The following ATXN2L variants were observed in gnomAD, a reference collection of about 807,000 sequenced individuals.
ATXN2L encodes ataxin-2-like protein.
A neutral mutation model predicts 120.7 loss-of-function variants in ATXN2L; 24 were observed. The observed-to-expected ratio is 0.20, with a 90% CI of 0.14 to 0.28. The LOEUF (loss-of-function observed/expected upper bound fraction) is 0.28. Among genes scored for constraint, ATXN2L ranks in the 10% least tolerant of loss-of-function variants. The pLI is 1.00. For missense variants in ATXN2L, 1,312 were observed against 1,432.3 expected, an observed-to-expected ratio of 0.92 and a Z score of 1.36; for synonymous variants, 653 against 568.1, an observed-to-expected ratio of 1.15 and a Z score of -2.13.
intron 1 of ATXN2L, 41 bp downstream of exon 1, chr16:28,823,599 C>T: frequency 7.7e-7 from 1 of 1,293,230 alleles, no homozygotes; most frequent in South Asian, 2.3e-5. Flanking sequence ...CGCGGCCACC[C>T]AGAGGCTGTG....
At chr16:28,827,077 A>C in intron 6 of ATXN2L, 91 bp downstream of exon 6, 1 of 1,253,290 alleles carries the variant, frequency 8.0e-7, no homozygotes, top group East Asian at 2.7e-5. Flanking sequence ...GGAAATATTT[A>C]CTGTTGCCCA....
At chr16:28,830,411 C>T (rs1396085874) in intron 8 of ATXN2L, among the ~76,000 whole-genome samples, 2 of 152,122 alleles carry the variant, frequency 1.3e-5, no homozygotes, top group African/African-American at 4.8e-5. Context: ...GGTTGGTTGG[C>T]TCAGAGTTGA....
At chr16:28,827,611 C>T (rs1596884093) in intron 6 of ATXN2L, among the ~76,000 whole-genome samples, 1 of 152,020 alleles carries the variant, frequency 6.6e-6, no homozygotes, top group African/African-American at 2.4e-5. Context: ...GTGGCTCATG[C>T]CTGTAGTCCC....
At chr16:28,827,870 G>A (rs1411798594) in intron 6 of ATXN2L, among the ~76,000 whole-genome samples, 3 of 152,172 alleles carry the variant, frequency 2.0e-5, no homozygotes, top group Non-Finnish European at 4.4e-5. Context: ...CTTGTGAATG[G>A]CCACTGTGCT....
chr16:28,824,378 G>C, intron 1 of ATXN2L: 1 of 1,247,916 alleles, frequency 8.0e-7, no homozygotes, highest in Non-Finnish European at 1.0e-6. Flanking sequence ...GGAAAGTCCC[G>C]TGGGTTTTAG....
chr16:28,825,636 G>A lies in ATXN2L; in HGVS notation c.349G>A (p.Val117Ile), dbSNP rs148169914. The A allele has an allele frequency of 2.0e-5, 32 of 1,614,094 alleles. No individual in the cohort carries two copies. Among genetic ancestry groups the A allele is most frequent in the East Asian group, 6.7e-5 (3 of 44,892 alleles). The change falls in exon 3 of 22, where the codon GTC becomes ATC. Residue 117 changes from valine (V) to isoleucine (I), a missense_variant. Physicochemically the swap from Val to Ile is conservative, Grantham distance 29 (BLOSUM62 3). Transcript: ENST00000336783. ...GPPQSPVFEG[V>I]YNNSRMLHFL... is the part of the protein sequence containing the mutation. ...TGTTAACTGACAGGTGTTTGAAGGC[G>A]TCTACAACAATTCCAGAATGCTGCA...
At position 28,830,749 on chromosome 16, in the gene ATXN2L, G is replaced by A. The variant is rs1596921720; in HGVS notation, c.1169G>A (p.Ser390Asn). The change falls in exon 9 of 22, where the codon AGC (serine) becomes AAC (asparagine). Residue 390 changes from serine to asparagine, a missense_variant. Transcript: ENST00000336783. ...CGTGGCCCTCACCATCTGGACAACA[G>A]CAGCCCTGGCCCAGGTTCTGAGGCC... ...PPRGPHHLDN[S>N]SPGPGSEARG... 2 of 1,612,130 alleles carry A rather than the reference G, an allele frequency of 1.2e-6. No individual in the cohort carries two copies. The highest frequency in any genetic ancestry group is 1.7e-6 in the Non-Finnish European group (2 of 1,179,368).
chr16:28,824,143 C>G lies in ATXN2L; in HGVS notation c.299+585C>G, dbSNP rs895874803. 5.9e-6 allele frequency: 6 copies of G among 1,024,900 alleles called. No individual in the cohort carries two copies. The African/African-American group carries it at 6.9e-5, about 12-fold the overall frequency. 63.5% of individuals were successfully genotyped at this position (1,024,900 alleles called of 1,614,324 possible). Reference sequence around the variant, plus strand: ...CGGGAGCCTCTGGCGCGCGCGCCCCCTTCCCGTACGTGCGCGTGGATGCTC... The same window carrying G: ...CGGGAGCCTCTGGCGCGCGCGCCCCGTTCCCGTACGTGCGCGTGGATGCTC... On this transcript the variant is annotated intron_variant, in intron 1 of 21. Transcript: ENST00000336783.
chr16:28,825,314 T>C (rs568443771), intron 1 of ATXN2L, 52 bp from the exon 2 acceptor site: 15 of 1,530,816 alleles, frequency 9.8e-6, no homozygotes, highest in Non-Finnish European at 1.4e-5. Context: ...AATTTCATAG[T>C]GGTCTAAGAG....
chr16:28,834,445 A>G (rs571126478), intron 17 of ATXN2L, 30 bp downstream of exon 17: 1 of 1,613,452 alleles, frequency 6.2e-7, no homozygotes, highest in East Asian at 2.2e-5. Flanking sequence ...GCAGGCGGCG[A>G]GGCTGCCAAG....
Position 28,836,835 on chromosome 16 carries a change from C to T in ATXN2L, c.*570C>T, listed in dbSNP as rs1360387801. ...GAGTGGAGGGAAGAGTGATCTATGT[C>T]TCTTCCCCCAGCAGCTCGGACCACT... On this transcript the variant is annotated 3_prime_UTR_variant, in exon 22 of 22. Coordinates refer to ENST00000336783, the MANE Select transcript of ATXN2L (RefSeq NM_007245.4). The T allele has an allele frequency of 4.4e-6, 7 of 1,607,454 alleles. No homozygotes were observed. Among genetic ancestry groups the T allele is most frequent in the Admixed American group, 1.7e-5 (1 of 59,882 alleles).
intron 18 of ATXN2L, 26 bp downstream of exon 18, chr16:28,834,719 A>G (rs1176763774): frequency 6.3e-7 from 1 of 1,587,828 alleles, no homozygotes; most frequent in South Asian, 1.1e-5. Flanking sequence ...GAGGGCAGTG[A>G]GGATCCAGGG....
At position 28,830,605 on chromosome 16, in the gene ATXN2L, C is replaced by T. The variant is rs1025933124; in HGVS notation, c.1035-10C>T. 3.2e-6 allele frequency: 5 copies of T among 1,551,382 alleles called. No homozygotes were observed. Among genetic ancestry groups the T allele is most frequent in the Admixed American group, 2.1e-5 (1 of 48,376 alleles). ...GTGGCTACCTGGCCTTATTTGAACT[C>T]TTTCCTCAGGGAGGGGAAGTATATC... On this transcript the variant is annotated splice_polypyrimidine_tract_variant and intron_variant, in intron 8 of 21. Transcript: ENST00000336783.
In ATXN2L at chr16:28,836,543, A is replaced by G; in HGVS notation, c.*278A>G. ...GGGTGTGGGGGGCTGAGCTGGGCAC[A>G]TGAGTGAGGGCTCTGGCTTACTGGG... On this transcript the variant is annotated 3_prime_UTR_variant, in exon 22 of 22. Transcript: ENST00000336783. 1 of 1,582,434 alleles carries G rather than the reference A, an allele frequency of 6.3e-7. No homozygotes were observed. Among genetic ancestry groups the G allele is most frequent in the Non-Finnish European group, 8.6e-7 (1 of 1,166,344 alleles).
In ATXN2L at chr16:28,836,040, C is replaced by G. The variant is rs1226357975; in HGVS notation, c.3003C>G (p.Pro1001=). Residue 1001 remains proline (P), a synonymous_variant, in exon 22 of 22, where the codon CCC becomes CCG. Coordinates refer to ENST00000336783, the MANE Select transcript of ATXN2L (RefSeq NM_007245.4). ...CACCCCAGAGTCATGGGGGGCCCCCCCAAGGCGCGGTGCCCCAGAGTGGGG... is the reference window on the plus strand; with the variant it reads ...CACCCCAGAGTCATGGGGGGCCCCCGCAAGGCGCGGTGCCCCAGAGTGGGG... The part of the protein sequence containing the change: ...LHPPQSHGGP[P]QGAVPQSGVP... 39 of 1,597,154 alleles carry G rather than the reference C, an allele frequency of 2.4e-5. No homozygotes were observed. The highest frequency in any genetic ancestry group is 6.7e-5 in the East Asian group (3 of 44,644).
At chr16:28,823,999 C>T (rs2050674376) in intron 1 of ATXN2L, 3 of 672,750 alleles carry the variant, frequency 4.5e-6, no homozygotes, top group South Asian at 5.7e-5. Context: ...ACAGTTTGGC[C>T]AATGGGGAGG....
chr16:28,834,466 C>G, intron 17 of ATXN2L, 40 bp from the exon 18 acceptor site: 1 of 1,613,430 alleles, frequency 6.2e-7, no homozygotes. Flanking sequence ...GGCCTACTGG[C>G]AGGTGGAGCT....
chr16:28,824,171 T>G (rs2050789154), intron 1 of ATXN2L: 1 of 1,027,822 alleles, frequency 9.7e-7, no homozygotes, highest in African/African-American at 1.7e-5. Context: ...GGATGCTCGG[T>G]CTCATGACCC....
At chr16:28,832,985 CA>C in intron 13 of ATXN2L, 73 bp from the exon 14 acceptor site, 1 of 1,590,158 alleles carries the variant, frequency 6.3e-7, no homozygotes, top group Non-Finnish European at 8.6e-7. Context: ...GAGATGAGAT[CA>C]AAAAAGGATG....
Sources: gnomAD v4.1 joint callset for allele counts (sites outside exome capture counted in the v4.1 genomes callset) on GRCh38, gnomAD v4.1.1 for gene constraint, MANE v1.5 for transcripts, NCBI Gene and HGNC (gene_info 2026-07-23, HGNC 2026-07-21) for gene names.